The following PTPN11 variants were observed in gnomAD, a reference collection of about 807,000 sequenced individuals.
The protein encoded by PTPN11 is tyrosine-protein phosphatase non-receptor type 11.
In PTPN11, 6 loss-of-function variants were observed where a neutral mutation model predicts 78.8. That is an observed-to-expected ratio of 0.08 (90% confidence interval 0.04 to 0.15). The LOEUF (loss-of-function observed/expected upper bound fraction) is 0.15, where lower values mean the gene tolerates loss of function less well. PTPN11 is among the 10% of genes least tolerant of loss of function. The pLI is 1.00. For missense variants in PTPN11, 386 were observed against 744.8 expected, an observed-to-expected ratio of 0.52 and a Z score of 5.61; for synonymous variants, 221 against 263.5, an observed-to-expected ratio of 0.84 and a Z score of 1.56.
Position 112,431,761 on chromosome 12 carries a change from C to G in PTPN11, c.14+12636C>G, listed in dbSNP as rs183816634. 2.0e-5 allele frequency among the ~76,000 whole-genome samples: 3 copies of G among 152,284 alleles called. No individual in the cohort carries two copies. The East Asian group carries it at 5.8e-4, about 29-fold the overall frequency. On this transcript the variant is annotated intron_variant, in intron 1 of 15. Coordinates refer to ENST00000351677, the MANE Select transcript of PTPN11 (RefSeq NM_002834.5). Reference sequence around the variant, plus strand: ...CCAAATGTGAAACTCCAAGGGCGTTCTGTGCTAAACATTTTGCATGTATTA... The same window carrying G: ...CCAAATGTGAAACTCCAAGGGCGTTGTGTGCTAAACATTTTGCATGTATTA...
intron 1 of PTPN11, among the ~76,000 whole-genome samples, chr12:112,445,378 C>T (rs550834024): frequency 1.3e-5 from 2 of 152,016 alleles, no homozygotes; most frequent in Non-Finnish European, 2.9e-5. Context: ...GTGATCTGCC[C>T]GCCTCGGCCT....
At chr12:112,431,137 T>C (rs895592210) in intron 1 of PTPN11, among the ~76,000 whole-genome samples, 2 of 152,246 alleles carry the variant, frequency 1.3e-5, no homozygotes, top group Non-Finnish European at 2.9e-5. Context: ...GATGTGAAAC[T>C]GTGTGGATGT....
chr12:112,456,030 T>TA lies in PTPN11; in HGVS notation c.726dup (p.Val243SerfsTer10), dbSNP rs1377134676. On this transcript the variant is annotated frameshift_variant, in exon 6 of 16. Transcript: ENST00000351677. LOFTEE classifies it high-confidence loss of function. ...TAAGCAAATTAGCTGAGACCACAGA[T>TA]AAAGTCAAACAAGGCTTTTGGGAAG... 1 of 1,607,178 alleles carries TA rather than the reference T, an allele frequency of 6.2e-7. No homozygotes were observed. The highest frequency in any genetic ancestry group is 8.5e-7 in the Non-Finnish European group (1 of 1,173,954).
chr12:112,455,232 CTTTTTTTT>C (rs997021901), intron 5 of PTPN11, among the ~76,000 whole-genome samples: 3 of 116,288 alleles, frequency 2.6e-5, no homozygotes, highest in Non-Finnish European at 5.5e-5. Flanking sequence ...TACAGAGGTT[CTTTTTTTT>C]TTTTTTTTTT....
At chr12:112,488,922 A>T (rs2038712148) in intron 12 of PTPN11, 102 bp from the exon 13 acceptor site, 2 of 1,484,012 alleles carry the variant, frequency 1.3e-6, no homozygotes, top group Admixed American at 1.7e-5. Context: ...AACAGCAAAG[A>T]CTAAATTAGC....
intron 11 of PTPN11, chr12:112,487,005 G>A (rs557183906): frequency 1.1e-6 from 1 of 920,028 alleles, no homozygotes; most frequent in East Asian, 4.2e-5. Flanking sequence ...GTGGGGGTGT[G>A]GTGGAAATAG....
chr12:112,496,869 G>T (rs905974836), intron 13 of PTPN11, among the ~76,000 whole-genome samples: 1 of 152,170 alleles, frequency 6.6e-6, no homozygotes, highest in Non-Finnish European at 1.5e-5. Flanking sequence ...GAATCATATT[G>T]CAGGACAGAA....
chr12:112,430,341 T>C (rs967308602), intron 1 of PTPN11, among the ~76,000 whole-genome samples: 1 of 152,190 alleles, frequency 6.6e-6, no homozygotes, highest in African/African-American at 2.4e-5. Context: ...CAGTTCATAA[T>C]TGTGGAAAAA....
chr12:112,482,813 T>C lies in PTPN11; in HGVS notation c.1224+608T>C, dbSNP rs985978006. Among the ~76,000 whole-genome samples the C allele has an allele frequency of 6.6e-6, 1 of 152,002 alleles. No homozygotes were observed. Among genetic ancestry groups the C allele is most frequent in the South Asian group, 2.1e-4 (1 of 4,816 alleles). ...GGAGGAAGGAGGGATTCAAGACACA[T>C]TGTAGAGGTTTGAGTCTGAGCGGAC... On this transcript the variant is annotated intron_variant, in intron 10 of 15. Transcript: ENST00000351677. The surrounding 1 kb of genome is among the most constrained non-coding windows in gnomAD (Gnocchi z 4.4).
intron 2 of PTPN11, among the ~76,000 whole-genome samples, chr12:112,448,517 C>T (rs2038028268): frequency 6.6e-6 from 1 of 151,874 alleles, no homozygotes; most frequent in Non-Finnish European, 1.5e-5. Context: ...ATGCCTGGCC[C>T]TATGTTTCTT....
chr12:112,459,875 A>G (rs906555767), intron 6 of PTPN11, among the ~76,000 whole-genome samples: 3 of 152,086 alleles, frequency 2.0e-5, no homozygotes, highest in African/African-American at 7.2e-5. Flanking sequence ...TTTCCTTAAT[A>G]TTAACACATA....
rs371951288 is a variant in PTPN11 at position 112,477,934 on chromosome 12, G to A, written c.1011G>A (p.Thr337=). 7.4e-6 allele frequency: 12 copies of A among 1,613,998 alleles called. No individual in the cohort carries two copies. The highest frequency in any genetic ancestry group is 6.6e-5 in the South Asian group (6 of 91,086). The change falls in exon 9 of 16, where the codon ACG becomes ACA. Residue 337 remains threonine (T), a synonymous_variant. Transcript: ENST00000351677. ...CCACACAAGGCTGCCTGCAAAACAC[G>A]GTGAATGACTTTTGGCGGATGGTGT... The part of the protein sequence containing the change: ...YIATQGCLQN[T]VNDFWRMVFQ...
At chr12:112,501,710 A>G (rs1368627471) in intron 13 of PTPN11, among the ~76,000 whole-genome samples, 1 of 152,186 alleles carries the variant, frequency 6.6e-6, no homozygotes, top group East Asian at 1.9e-4. Context: ...TAAGAGTGCT[A>G]CCATCTTTCA....
intron 5 of PTPN11, among the ~76,000 whole-genome samples, chr12:112,455,175 A>G (rs1235116388): frequency 6.6e-6 from 1 of 151,416 alleles, no homozygotes; most frequent in African/African-American, 2.4e-5. Flanking sequence ...GTACTTGGAA[A>G]CATATTCCAG....
intron 15 of PTPN11, among the ~76,000 whole-genome samples, 158 bp from the exon 16 acceptor site, chr12:112,505,667 A>C (rs1242658415): frequency 4.6e-5 from 7 of 151,560 alleles, no homozygotes; most frequent in African/African-American, 9.7e-5. Context: ...AAAAAAAAAA[A>C]AAAAAAAAAA....
intron 1 of PTPN11, among the ~76,000 whole-genome samples, chr12:112,437,110 C>T (rs2037805101): frequency 1.3e-5 from 2 of 151,936 alleles, no homozygotes; most frequent in South Asian, 4.2e-4. Context: ...CCCATGTTTT[C>T]CTCTAGTATT....
chr12:112,490,597 C>T (rs1392484316), intron 13 of PTPN11, among the ~76,000 whole-genome samples: 1 of 152,070 alleles, frequency 6.6e-6, no homozygotes, highest in Non-Finnish European at 1.5e-5. Context: ...TTTGTGGCTC[C>T]ATGCCCGGCT....
intron 13 of PTPN11, among the ~76,000 whole-genome samples, chr12:112,492,586 C>T (rs1048350654): frequency 6.0e-5 from 9 of 151,212 alleles, no homozygotes; most frequent in African/African-American, 2.2e-4. Context: ...GGTGCAATCT[C>T]GGGTCACTGC....
At chr12:112,444,488 C>T (rs937236994) in intron 1 of PTPN11, among the ~76,000 whole-genome samples, 2 of 151,868 alleles carry the variant, frequency 1.3e-5, no homozygotes, top group Non-Finnish European at 2.9e-5. Flanking sequence ...ATTACAGGCA[C>T]GCGCCACCAC....
Sources: allele counts gnomAD v4.1 joint callset (sites outside exome capture counted in the v4.1 genomes callset), GRCh38; gene constraint gnomAD v4.1.1; non-coding constraint Gnocchi (gnomAD v3.1); transcripts MANE v1.5; gene names NCBI Gene and HGNC (gene_info 2026-07-23, HGNC 2026-07-21).